Variants in CASK observed in about 807,000 individuals in gnomAD.
CASK encodes the protein peripheral plasma membrane protein CASK.
In CASK, 4 loss-of-function variants were observed where a neutral mutation model predicts 82.9. The ratio of observed to expected loss-of-function variants is 0.05; its 90% CI spans 0.02 to 0.11. The LOEUF (loss-of-function observed/expected upper bound fraction) is 0.11, where lower values mean the gene tolerates loss of function less well. Among genes scored for constraint, CASK ranks in the 10% least tolerant of loss-of-function variants. CASK has a pLI of 1.00. For missense variants in CASK, 358 were observed against 720.9 expected, an observed-to-expected ratio of 0.50 and a Z score of 5.76; for synonymous variants, 259 against 253.5, an observed-to-expected ratio of 1.02 and a Z score of -0.20.
At chrX:41,657,485 G>A (rs780805707) in intron 8 of CASK, among the ~76,000 whole-genome samples, 2 of 111,928 alleles carry the variant, frequency 1.8e-5, no homozygotes, top group African/African-American at 3.2e-5. Context: ...CTAGTAATGT[G>A]GCAGTGTCTT....
chrX:41,535,658 G>A (rs763325798), intron 22 of CASK, among the ~76,000 whole-genome samples: 7 of 111,729 alleles, frequency 6.3e-5, no homozygotes, highest in African/African-American at 1.6e-4. Context: ...AAAACTTGTC[G>A]CCCATTACAT....
chrX:41,576,224 C>T (rs753042482), intron 15 of CASK, among the ~76,000 whole-genome samples: 3 of 110,784 alleles, frequency 2.7e-5, no homozygotes, highest in East Asian at 2.8e-4. Context: ...CCACCCGCCT[C>T]GTCCTCCCAA....
intron 2 of CASK, among the ~76,000 whole-genome samples, chrX:41,812,386 T>C (rs2147884854): frequency 9.0e-6 from 1 of 111,378 alleles, no homozygotes; most frequent in East Asian, 2.8e-4. Context: ...AAAAAGCTTA[T>C]CCACCATGAT....
chrX:41,669,404 G>A (rs1425305514), intron 6 of CASK, among the ~76,000 whole-genome samples: 3 of 111,021 alleles, frequency 2.7e-5, no homozygotes, highest in East Asian at 2.8e-4. Context: ...AATAAAATAC[G>A]AAGAACATGA....
chrX:41,828,314 C>T (rs749007232), intron 2 of CASK, among the ~76,000 whole-genome samples: 84 of 111,364 alleles, frequency 7.5e-4, no homozygotes, highest in Non-Finnish European at 1.1e-3. Context: ...TTCTTAGTCT[C>T]GTGCAAGAGA....
intron 11 of CASK, among the ~76,000 whole-genome samples, chrX:41,613,600 T>C (rs1269672051): frequency 5.7e-4 from 42 of 74,043 alleles, no homozygotes; most frequent in African/African-American, 2.2e-3. Flanking sequence ...CAAATCCCCC[T>C]CTGCGAGAAA....
intron 2 of CASK, among the ~76,000 whole-genome samples, chrX:41,826,717 T>G (rs2070674874): frequency 8.9e-6 from 1 of 111,928 alleles, no homozygotes; most frequent in Admixed American, 9.5e-5. Context: ...CCTCAAGTGA[T>G]CTGCCCACCT....
rs972860158 is a variant in CASK, at chrX:41,631,368, G to A, written c.916-4665C>T. On this transcript the variant is annotated intron_variant, in intron 9 of 26. Transcript: ENST00000378163. ...AGCACTTTGGGAGGCCAAGGTGGGA[G>A]GATTGCTTCAGTCCAGGAGTTTGAG... 5.4e-5 allele frequency among the ~76,000 whole-genome samples: 6 copies of A among 111,959 alleles called. 1 individual carries two copies. The highest frequency in any genetic ancestry group is 4.7e-4 in the Admixed American group (5 of 10,536).
intron 2 of CASK, among the ~76,000 whole-genome samples, chrX:41,824,903 G>A (rs2070627311): frequency 9.0e-6 from 1 of 111,676 alleles, no homozygotes; most frequent in Admixed American, 9.5e-5. Flanking sequence ...ATTTTTCACA[G>A]TTCTCTAACT....
intron 2 of CASK, among the ~76,000 whole-genome samples, chrX:41,819,237 G>A (rs545411506): frequency 5.4e-5 from 6 of 111,364 alleles, no homozygotes; most frequent in African/African-American, 2.0e-4. Context: ...CAAGGAAAAT[G>A]AGAGAAGACA....
At chrX:41,605,609 C>T (rs1050555906) in intron 12 of CASK, among the ~76,000 whole-genome samples, 1 of 111,479 alleles carries the variant, frequency 9.0e-6, no homozygotes, top group African/African-American at 3.3e-5. Flanking sequence ...CAGAAGAATT[C>T]GTTTTGATTC....
At position 41,645,607 on chromosome X, in the gene CASK, G is replaced by A. The variant is rs370240469; in HGVS notation, c.832-8946C>T. Among the ~76,000 whole-genome samples the A allele has an allele frequency of 2.7e-5, 3 of 111,198 alleles. No homozygotes were observed. In the East Asian group the frequency reaches 8.5e-4, roughly 31 times the overall value. ...AAACAGGCACATCAAATCACAATAG[G>A]TGTAAATCAATCCTCCCTGAAGGCA... On this transcript the variant is annotated intron_variant, in intron 8 of 26. Transcript: ENST00000378163.
intron 7 of CASK, among the ~76,000 whole-genome samples, chrX:41,664,283 CT>C (rs2067080018): frequency 8.9e-6 from 1 of 111,930 alleles, no homozygotes; most frequent in African/African-American, 3.2e-5. Context: ...AACCACTTTA[CT>C]TTTCTTCTTT....
At chrX:41,701,162 C>A (rs1255274976) in intron 5 of CASK, among the ~76,000 whole-genome samples, 2 of 110,245 alleles carry the variant, frequency 1.8e-5, no homozygotes, top group Admixed American at 2.0e-4. Context: ...AATTTACAGC[C>A]TTACCTTTTA....
At chrX:41,830,835 A>C (rs1346403663) in intron 2 of CASK, among the ~76,000 whole-genome samples, 1 of 109,198 alleles carries the variant, frequency 9.2e-6, no homozygotes, top group African/African-American at 3.3e-5. Flanking sequence ...AAAAAAAAAA[A>C]ACAAAAGAAG....
intron 2 of CASK, among the ~76,000 whole-genome samples, chrX:41,820,891 G>A (rs973291073): frequency 3.6e-5 from 4 of 111,123 alleles, no homozygotes; most frequent in South Asian, 3.8e-4. Flanking sequence ...GTGCTGGAGC[G>A]AATGGCTACC....
At chrX:41,748,844 C>T (rs2068739428) in intron 3 of CASK, among the ~76,000 whole-genome samples, 2 of 111,978 alleles carry the variant, frequency 1.8e-5, no homozygotes, top group Admixed American at 9.5e-5. Context: ...TAATTATCAG[C>T]AAGGATCAAT....
At chrX:41,578,262 T>C (rs1295727444) in intron 15 of CASK, 78 bp downstream of exon 15, 3 of 722,026 alleles carry the variant, frequency 4.2e-6, no homozygotes, top group Non-Finnish European at 4.3e-6. Flanking sequence ...CAACTCCTAG[T>C]AGCATAGGTT....
intron 24 of CASK, among the ~76,000 whole-genome samples, chrX:41,533,127 T>C (rs1459228279): frequency 8.9e-6 from 1 of 111,848 alleles, no homozygotes; most frequent in African/African-American, 3.3e-5. Flanking sequence ...TTACATAACA[T>C]ATTGATGTTG....
Sources: gnomAD v4.1 joint callset for allele counts (sites outside exome capture counted in the v4.1 genomes callset) on GRCh38, gnomAD v4.1.1 for gene constraint, MANE v1.5 for transcripts, NCBI Gene and HGNC (gene_info 2026-07-23, HGNC 2026-07-21) for gene names.